SERPINI1: variants seen among roughly 807,000 people sequenced by gnomAD.
SERPINI1 encodes serpin family I member 1, also known as neuroserpin.
SERPINI1 carries 19 observed loss-of-function variants against 41.1 expected under a neutral mutation model. The ratio of observed to expected loss-of-function variants is 0.46; its 90% CI spans 0.32 to 0.68. The LOEUF (loss-of-function observed/expected upper bound fraction) is 0.68. Ranked by LOEUF, SERPINI1 falls within the 30% of genes least tolerant of loss-of-function variation. SERPINI1 has a pLI of 0.03. For missense variants in SERPINI1, 460 were observed against 479.2 expected (o/e 0.96, Z 0.37); for synonymous variants, 138 against 156.6 (o/e 0.88, Z 0.89).
intron 1 of SERPINI1, among the ~76,000 whole-genome samples, chr3:167,761,042 C>G (rs576267576): frequency 6.6e-6 from 1 of 152,152 alleles, no homozygotes; most frequent in Admixed American, 6.5e-5. Context: ...AACCTTTAAC[C>G]TAACCTAGAG....
intron 1 of SERPINI1, among the ~76,000 whole-genome samples, chr3:167,747,209 A>G (rs1214967805): frequency 1.3e-5 from 2 of 152,338 alleles, no homozygotes; most frequent in East Asian, 1.9e-4. Context: ...GCAAATCCAT[A>G]AAGACACAAA....
At chr3:167,800,555 A>G (rs1227783595) in intron 5 of SERPINI1, among the ~76,000 whole-genome samples, 2 of 152,176 alleles carry the variant, frequency 1.3e-5, no homozygotes, top group Non-Finnish European at 2.9e-5. Flanking sequence ...TCAGCATCAA[A>G]TACTTTAATA....
chr3:167,771,169 C>T (rs542452959), intron 1 of SERPINI1, among the ~76,000 whole-genome samples: 1 of 152,238 alleles, frequency 6.6e-6, no homozygotes, highest in Admixed American at 6.5e-5. Flanking sequence ...TTTAACTTCT[C>T]AGAATTTATC....
At chr3:167,781,829 G>C (rs770523929) in intron 1 of SERPINI1, among the ~76,000 whole-genome samples, 3 of 151,544 alleles carry the variant, frequency 2.0e-5, no homozygotes, top group Admixed American at 2.0e-4. Flanking sequence ...GAACTACCAG[G>C]GAAGTTAAAA....
chr3:167,743,905 G>T (rs888928193), intron 1 of SERPINI1, among the ~76,000 whole-genome samples: 1 of 152,028 alleles, frequency 6.6e-6, no homozygotes, highest in African/African-American at 2.4e-5. Flanking sequence ...GCAGGGGATG[G>T]CAAGCTAGGG....
chr3:167,793,590 A>AT lies in SERPINI1; in HGVS notation c.676+807dup, dbSNP rs1377107351. Among the ~76,000 whole-genome samples the AT allele has an allele frequency of 3.5e-3, 361 of 103,358 alleles. 5 individuals are homozygous for AT. The highest frequency in any genetic ancestry group is 0.016 in the African/African-American group (346 of 21,102). The allele number at this position is 103,358 out of a possible 152,430, so 67.8% of individuals were successfully genotyped here. ...TTTCTCTACAAATATATATATATAT[A>AT]TATATATTTTTAATTAGCTAGGCAT... On this transcript the variant is annotated intron_variant, in intron 4 of 8. Coordinates refer to ENST00000446050, the MANE Select transcript of SERPINI1 (RefSeq NM_001122752.2).
chr3:167,772,080 G>C (rs1726774686), intron 1 of SERPINI1, among the ~76,000 whole-genome samples: 1 of 152,100 alleles, frequency 6.6e-6, no homozygotes, highest in Non-Finnish European at 1.5e-5. Flanking sequence ...AACTTAATAG[G>C]TTTCAGTTTC....
chr3:167,793,992 T>C (rs781246599), intron 4 of SERPINI1, among the ~76,000 whole-genome samples: 3 of 152,074 alleles, frequency 2.0e-5, no homozygotes, highest in Non-Finnish European at 4.4e-5. Context: ...AGATTTCATT[T>C]TGACTCTGCA....
At chr3:167,807,773 A>C (rs952918563) in intron 6 of SERPINI1, among the ~76,000 whole-genome samples, 3 of 152,188 alleles carry the variant, frequency 2.0e-5, no homozygotes, top group Non-Finnish European at 2.9e-5. Flanking sequence ...AAGAATAAAG[A>C]ATACCCAGTG....
At chr3:167,784,091 A>G (rs1727227548) in intron 1 of SERPINI1, among the ~76,000 whole-genome samples, 1 of 152,066 alleles carries the variant, frequency 6.6e-6, no homozygotes, top group Admixed American at 6.5e-5. Flanking sequence ...CATTTTCCCC[A>G]GTAAGAAAAA....
intron 1 of SERPINI1, among the ~76,000 whole-genome samples, chr3:167,781,861 G>A (rs1297609683): frequency 6.6e-6 from 1 of 151,796 alleles, no homozygotes; most frequent in Non-Finnish European, 1.5e-5. Flanking sequence ...TTTTTATAAT[G>A]CGGACTTTCA....
At chr3:167,780,138 C>T (rs6768680) in intron 1 of SERPINI1, among the ~76,000 whole-genome samples, 19,737 of 152,030 alleles carry the variant, frequency 0.13, 1,574 homozygotes, top group African/African-American at 0.22. Context: ...CAGTAAACAA[C>T]GGTTTAAACC....
chr3:167,772,864 C>CTCTCTCTCTATATATATATATA (rs1374013676), intron 1 of SERPINI1, among the ~76,000 whole-genome samples: 3 of 24,656 alleles, frequency 1.2e-4, no homozygotes, highest in African/African-American at 3.7e-4. Flanking sequence ...CTCTCTCTCT[C>CTCTCTCTCTATATATATATATA]TATATATATA....
rs372528371 is a variant in SERPINI1, at chr3:167,790,407, A to G, written c.286A>G (p.Met96Val). 458 of 1,613,800 alleles carry G rather than the reference A, an allele frequency of 2.8e-4. 1 individual carries two copies. The highest frequency in any genetic ancestry group is 3.7e-4 in the Non-Finnish European group (441 of 1,179,812). ...EFSFLKEFSN[M>V]VTAKESQYVM... The stretch of plus-strand genomic sequence containing the variant: ...TTCTTTCTTGAAGGAGTTTTCAAAC[A>G]TGGTAACTGCTAAAGAGAGCCAATA... Residue 96 changes from methionine (M) to valine (V), a missense_variant, in exon 3 of 9, where the codon ATG becomes GTG. By Grantham distance (21) the Met-to-Val change is conservative (BLOSUM62 1). Transcript: ENST00000446050.
chr3:167,754,786 A>AGGAGT (rs2108536524), intron 1 of SERPINI1, among the ~76,000 whole-genome samples: 1 of 152,280 alleles, frequency 6.6e-6, no homozygotes, highest in African/African-American at 2.4e-5. Context: ...CTTCCACTTC[A>AGGAGT]GGAGTTCTCA....
chr3:167,774,258 T>C (rs1404890066), intron 1 of SERPINI1, among the ~76,000 whole-genome samples: 1 of 152,174 alleles, frequency 6.6e-6, no homozygotes, highest in Non-Finnish European at 1.5e-5. Flanking sequence ...CTTTGACTTA[T>C]AAAAATGACA....
chr3:167,783,873 C>T (rs115478761), intron 1 of SERPINI1, among the ~76,000 whole-genome samples: 3 of 152,134 alleles, frequency 2.0e-5, no homozygotes, highest in Non-Finnish European at 4.4e-5. Context: ...CGTGTGTTTC[C>T]AGAGCAGAGT....
intron 1 of SERPINI1, among the ~76,000 whole-genome samples, chr3:167,740,399 C>G (rs1725638351): frequency 6.6e-6 from 1 of 152,128 alleles, no homozygotes; most frequent in Non-Finnish European, 1.5e-5. Context: ...TCTTTCTCAC[C>G]AGATACTTAG....
rs572761414 is a variant in SERPINI1 at position 167,751,397 on chromosome 3, C to T, written c.-19+15574C>T. Among the ~76,000 whole-genome samples the T allele has an allele frequency of 4.6e-5, 7 of 152,252 alleles. No individual in the cohort carries two copies. In the East Asian group the frequency reaches 1.4e-3, roughly 29 times the overall value. On this transcript the variant is annotated intron_variant, in intron 1 of 8. Coordinates refer to ENST00000446050, the MANE Select transcript of SERPINI1 (RefSeq NM_001122752.2). ...GTCTACTTGATAAAATGAGGTAGCC[C>T]TGTAATTACACAAAGTAAGTCAAAC...
Sources: allele counts gnomAD v4.1 joint callset (sites outside exome capture counted in the v4.1 genomes callset), GRCh38; gene constraint gnomAD v4.1.1; transcripts MANE v1.5; gene names NCBI Gene and HGNC (gene_info 2026-07-23, HGNC 2026-07-21).